BEAN1: variants seen among roughly 807,000 people sequenced by gnomAD.
BEAN1 encodes brain expressed associated with NEDD4 1.
BEAN1 carries 17 observed loss-of-function variants against 17.7 expected under a neutral mutation model. The observed-to-expected ratio is 0.96, with a 90% CI of 0.66 to 1.44. The LOEUF is 1.44. BEAN1 is among the 40% of genes most tolerant of loss of function. BEAN1 has a pLI of 0.00. For missense variants in BEAN1, 359 were observed against 374.1 expected (o/e 0.96, Z 0.33); for synonymous variants, 142 against 151.8 (o/e 0.94, Z 0.47).
At chr16:66,444,189 CCT>C (rs759938365) in intron 2 of BEAN1, among the ~76,000 whole-genome samples, 2 of 152,178 alleles carry the variant, frequency 1.3e-5, no homozygotes, top group Non-Finnish European at 2.9e-5. Flanking sequence ...TGGCTCTTCC[CCT>C]GTGTCCACCA....
intron 4 of BEAN1, among the ~76,000 whole-genome samples, chr16:66,478,279 T>C (rs1963840435): frequency 6.6e-6 from 1 of 152,196 alleles, no homozygotes; most frequent in Non-Finnish European, 1.5e-5. Context: ...CCGCTGTGCC[T>C]GCTTCTCCAT....
intron 2 of BEAN1, among the ~76,000 whole-genome samples, chr16:66,457,209 G>A (rs955481927): frequency 6.6e-6 from 1 of 152,188 alleles, no homozygotes; most frequent in Admixed American, 6.5e-5. Context: ...GGGGATGGGT[G>A]GATGGATGGA....
chr16:66,459,096 C>T (rs1186203438), intron 2 of BEAN1, among the ~76,000 whole-genome samples: 1 of 152,250 alleles, frequency 6.6e-6, no homozygotes, highest in Admixed American at 6.5e-5. Context: ...AAGCCGTGCT[C>T]AGCTCTGTGC....
Position 66,434,886 on chromosome 16 carries a change from AC to A in BEAN1, c.-82-2706del, listed in dbSNP as rs1961955025. ...CTTTTGAACTTCCCCTCCGTTCCCA[AC>A]CCTGAGCTAGTTTGCAGAGGCCACA... On this transcript the variant is annotated intron_variant, in intron 1 of 4. Coordinates refer to ENST00000536005, the MANE Select transcript of BEAN1 (RefSeq NM_001178020.3). The surrounding 1 kb of genome is among the most constrained non-coding windows in gnomAD (Gnocchi z 4.3). 6.6e-6 allele frequency among the ~76,000 whole-genome samples: 1 copy of A among 151,834 alleles called. No individual in the cohort carries two copies.
At chr16:66,442,240 G>A (rs556692537) in intron 2 of BEAN1, among the ~76,000 whole-genome samples, 1 of 152,318 alleles carries the variant, frequency 6.6e-6, no homozygotes, top group African/African-American at 2.4e-5. Context: ...TCTCCATCAG[G>A]CCCCAGCTGG....
chr16:66,445,286 C>T (rs894921278), intron 2 of BEAN1, among the ~76,000 whole-genome samples: 1 of 151,192 alleles, frequency 6.6e-6, no homozygotes, highest in African/African-American at 2.4e-5. Context: ...ACCATCCTGG[C>T]TAACACGATG....
downstream of BEAN1, chr16:66,485,853 G>A (rs2066507818): frequency 6.6e-6 from 1 of 152,378 alleles, no homozygotes; most frequent in South Asian, 2.1e-4. Context: ...CCTTGAAAAG[G>A]ACCCTCCACT....
rs1041894909 is a variant in BEAN1 at position 66,480,644 on chromosome 16, C to T, written c.499C>T (p.Pro167Ser). ...GCTGTATGTCCCCACGGACGCACCA[C>T]CACCCTACTCGCTGACTGATTCCTG... ...TQLYVPTDAP[P>S]PYSLTDSCPT... The change falls in exon 5 of 5, where the codon CCA becomes TCA. Residue 167 changes from proline to serine, a missense_variant. Transcript: ENST00000536005. The T allele has an allele frequency of 1.3e-6, 2 of 1,551,514 alleles. No individual in the cohort carries two copies. Among genetic ancestry groups the T allele is most frequent in the Non-Finnish European group, 1.7e-6 (2 of 1,146,842 alleles).
At chr16:66,437,915 A>T in intron 2 of BEAN1, 1 of 665,164 alleles carries the variant, frequency 1.5e-6, no homozygotes, top group Non-Finnish European at 2.7e-6. Flanking sequence ...ACTTTGGCCC[A>T]TTCTTCTGTA....
chr16:66,477,057 T>C (rs1183942061), intron 3 of BEAN1, among the ~76,000 whole-genome samples: 1 of 152,050 alleles, frequency 6.6e-6, no homozygotes, highest in East Asian at 1.9e-4. Context: ...ACTCCACAGC[T>C]CAAAGCTCCC....
intron 2 of BEAN1, chr16:66,438,088 A>C: frequency 3.3e-6 from 1 of 306,350 alleles, no homozygotes; most frequent in South Asian, 3.8e-5. Context: ...CTGAGCTTTT[A>C]ATATGGTGAT....
In BEAN1 at chr16:66,490,451, AAAT is replaced by A. The variant is rs199941562; in HGVS notation, c.148-2505_148-2503del. The stretch of plus-strand genomic sequence containing the variant: ...AAATAAAATAAAATAAAATAAAATA[AAAT>A]AATAAAATAAAAAGAAACCTCTAAA... On this transcript the variant is annotated intron_variant, in intron 4 of 4. Coordinates refer to the BEAN1 transcript ENST00000561796. Among the ~76,000 whole-genome samples, 152 of 138,582 alleles carry A rather than the reference AAAT, an allele frequency of 1.1e-3. 6 individuals carry two copies. The highest frequency in any genetic ancestry group is 2.1e-3 in the African/African-American group (75 of 35,506). 90.9% of individuals were successfully genotyped at this position (138,582 alleles called of 152,430 possible).
chr16:66,474,759 AAG>A (rs1470359483), intron 3 of BEAN1, among the ~76,000 whole-genome samples: 3 of 152,024 alleles, frequency 2.0e-5, no homozygotes, highest in African/African-American at 4.8e-5. Flanking sequence ...GAAAGAAAGA[AAG>A]AAGAAAGAAA....
chr16:66,474,499 G>A (rs910364227), intron 3 of BEAN1, among the ~76,000 whole-genome samples: 1 of 147,280 alleles, frequency 6.8e-6, no homozygotes, highest in East Asian at 2.0e-4. Flanking sequence ...ACAGAGAGGA[G>A]CCACAAATCT....
At chr16:66,466,946 A>G (rs373908646) in intron 2 of BEAN1, among the ~76,000 whole-genome samples, 1 of 152,236 alleles carries the variant, frequency 6.6e-6, no homozygotes, top group African/African-American at 2.4e-5. Context: ...TTGTCAGTAC[A>G]GAGTGATTTA....
intron 4 of BEAN1, among the ~76,000 whole-genome samples, chr16:66,488,518 CAAA>C (rs35976761): frequency 4.1e-5 from 2 of 49,250 alleles, no homozygotes; most frequent in South Asian, 7.5e-4. Context: ...TTATCACTAC[CAAA>C]AAAAAAAAAA....
chr16:66,430,560 T>C (rs901785233), intron 1 of BEAN1, among the ~76,000 whole-genome samples: 5 of 152,248 alleles, frequency 3.3e-5, no homozygotes, highest in African/African-American at 1.2e-4. Flanking sequence ...TCAATCATTT[T>C]ATGTCTGAGA....
At chr16:66,435,920 T>C (rs1230215892) in intron 1 of BEAN1, among the ~76,000 whole-genome samples, 1 of 152,154 alleles carries the variant, frequency 6.6e-6, no homozygotes, top group Non-Finnish European at 1.5e-5. Context: ...TGAGCCTTGG[T>C]GTCCTCATAT....
chr16:66,468,608 T>C (rs910568456), intron 2 of BEAN1, among the ~76,000 whole-genome samples: 2 of 152,186 alleles, frequency 1.3e-5, no homozygotes, highest in African/African-American at 4.8e-5. Flanking sequence ...TGAGCAACCA[T>C]GGGCCAGTCA....
Sources: allele counts gnomAD v4.1 joint callset (sites outside exome capture counted in the v4.1 genomes callset), GRCh38; gene constraint gnomAD v4.1.1; non-coding constraint Gnocchi (gnomAD v3.1); transcripts MANE v1.5; gene names NCBI Gene and HGNC (gene_info 2026-07-23, HGNC 2026-07-21).